The following ABR variants were observed in gnomAD, a reference collection of about 807,000 sequenced individuals.
ABR encodes the protein active breakpoint cluster region-related protein.
Under a neutral mutation model 107.2 loss-of-function variants are expected in ABR, and 35 were observed. That is an observed-to-expected ratio of 0.33 (90% CI 0.25 to 0.43). The LOEUF is 0.43. Ranked by LOEUF, ABR falls within the 20% of genes least tolerant of loss-of-function variation. The probability of loss-of-function intolerance (pLI) is 1.00; values close to 1 mark genes in which losing one functional copy is unlikely to be tolerated. For missense variants in ABR, 815 were observed against 1,115.2 expected (o/e 0.73, Z 3.83); for synonymous variants, 498 against 462.0 (o/e 1.08, Z -1.00).
chr17:1,115,787 G>A (rs866964331), intron 2 of ABR, among the ~76,000 whole-genome samples: 49 of 151,522 alleles, frequency 3.2e-4, no homozygotes, highest in African/African-American at 8.7e-4. Context: ...TTAGCCAGGC[G>A]TACTGGCGGG....
rs761645213 is a variant in ABR, at chr17:1,070,757, C to T, written c.895-667G>A. 5.3e-5 allele frequency among the ~76,000 whole-genome samples: 8 copies of T among 152,186 alleles called. No individual in the cohort carries two copies. The highest frequency in any genetic ancestry group is 1.0e-4 in the Non-Finnish European group (7 of 68,040). On this transcript the variant is annotated intron_variant, in intron 8 of 22. Transcript: ENST00000302538. The surrounding 1 kb of genome is among the most constrained non-coding windows in gnomAD (Gnocchi z 4.2). ...ACGTGGGAGTTCCAGAGTTTCCAACCCCCGCTCAGAGCCGGGGGGTCGTCC... is the reference window on the plus strand; with the variant it reads ...ACGTGGGAGTTCCAGAGTTTCCAACTCCCGCTCAGAGCCGGGGGGTCGTCC...
In ABR at chr17:1,023,094, A is replaced by C. The variant is rs1352369048; in HGVS notation, c.1792-9930T>G. On this transcript the variant is annotated intron_variant, in intron 16 of 22. Coordinates refer to ENST00000302538, the MANE Select transcript of ABR (RefSeq NM_021962.5). ...TCTGCCGGCCCCACGTCCACTGCAGAGCCTCTGCCGGCCCCACGTCCACTA... is the reference window on the plus strand; with the variant it reads ...TCTGCCGGCCCCACGTCCACTGCAGCGCCTCTGCCGGCCCCACGTCCACTA... Among the ~76,000 whole-genome samples the C allele has an allele frequency of 3.2e-3, 363 of 111,766 alleles. 17 individuals carry two copies. The highest frequency in any genetic ancestry group is 0.024 in the East Asian group (85 of 3,474). 73.3% of individuals were successfully genotyped at this position (111,766 alleles called of 152,430 possible).
intron 1 of ABR, among the ~76,000 whole-genome samples, chr17:1,186,282 G>A (rs983405232): frequency 6.6e-6 from 1 of 152,218 alleles, no homozygotes; most frequent in African/African-American, 2.4e-5. Context: ...CCTCTGCTCA[G>A]CCTCCCGGCT....
At chr17:1,109,162 C>G in intron 2 of ABR, 1 of 1,413,816 alleles carries the variant, frequency 7.1e-7, no homozygotes, top group Non-Finnish European at 9.4e-7. Flanking sequence ...GGAGGGGGGG[C>G]AGGTCTACAC....
chr17:1,187,854 A>G (rs1430678762), upstream of ABR, among the ~76,000 whole-genome samples: 1 of 151,948 alleles, frequency 6.6e-6, no homozygotes, highest in Non-Finnish European at 1.5e-5. Context: ...AGATCATGCC[A>G]CCGCACTCCA....
chr17:1,130,284 T>C (rs944298007), intron 1 of ABR, among the ~76,000 whole-genome samples: 7 of 151,974 alleles, frequency 4.6e-5, no homozygotes, highest in Non-Finnish European at 7.4e-5. Flanking sequence ...AACGCAGCCT[T>C]TTCCCAAAGA....
At chr17:1,042,874 T>C (rs1304154336) in intron 16 of ABR, among the ~76,000 whole-genome samples, 1 of 152,202 alleles carries the variant, frequency 6.6e-6, no homozygotes, top group Non-Finnish European at 1.5e-5. Flanking sequence ...AGGGAAATTG[T>C]ATCCAGCCTC....
intron 1 of ABR, among the ~76,000 whole-genome samples, chr17:1,226,432 A>G (rs891980061): frequency 2.0e-5 from 3 of 151,900 alleles, no homozygotes; most frequent in Non-Finnish European, 4.4e-5. Context: ...TGCCATGTAT[A>G]TACGTGTGCA....
At chr17:1,229,397 G>T (rs1351216963) in exon 1 of ABR, among the ~76,000 whole-genome samples, 1 of 146,472 alleles carries the variant, frequency 6.8e-6, no homozygotes, top group Non-Finnish European at 1.5e-5. Context: ...CGGCCTCGGG[G>T]TCGGGGCGCC....
exon 1 of ABR, chr17:1,186,874 G>A (rs991362253): frequency 5.3e-5 from 8 of 152,360 alleles, no homozygotes; most frequent in Admixed American, 5.2e-4. Flanking sequence ...CCAAAACCCA[G>A]AGATTCAGTT....
intron 16 of ABR, chr17:1,022,508 G>A (rs2071777798): frequency 6.5e-6 from 1 of 154,510 alleles, no homozygotes; most frequent in African/African-American, 2.4e-5. Flanking sequence ...AGGCGCCGGA[G>A]GATTCCGTCA....
In ABR at chr17:1,013,009, G is replaced by A. The variant is rs567410742; in HGVS notation, c.1851+96C>T. Reference sequence around the variant, plus strand: ...TGCGGGGAGGTCGAGGCGGCACAGCGGCCCCAGGAGCAGCCACAGGGCCGG... The same window carrying A: ...TGCGGGGAGGTCGAGGCGGCACAGCAGCCCCAGGAGCAGCCACAGGGCCGG... On this transcript the variant is annotated intron_variant, in intron 17 of 22. Coordinates refer to ENST00000302538, the MANE Select transcript of ABR (RefSeq NM_021962.5). 4.3e-4 allele frequency: 633 copies of A among 1,455,806 alleles called. 2 individuals are homozygous for A. The African/African-American group carries it at 5.2e-3, about 12-fold the overall frequency. The allele number at this position is 1,455,806 out of a possible 1,614,324, so 90.2% of individuals were successfully genotyped here.
At chr17:1,166,933 A>G (rs906998469) in intron 1 of ABR, among the ~76,000 whole-genome samples, 4 of 152,142 alleles carry the variant, frequency 2.6e-5, no homozygotes, top group Non-Finnish European at 5.9e-5. Flanking sequence ...ACTGGGAGGC[A>G]GAGGCTGCAG....
At position 1,020,944 on chromosome 17, in the gene ABR, C is replaced by T. The variant is rs551025312; in HGVS notation, c.1792-7780G>A. ...CCTCCGGTCTCCACTCCTGCTCCCT[C>T]GGAGGTGGCAGAGCCCCCATTCCAA... is the stretch of plus-strand genomic sequence containing the variant. On this transcript the variant is annotated intron_variant, in intron 16 of 22. Transcript: ENST00000302538. 9.7e-4 allele frequency among the ~76,000 whole-genome samples: 147 copies of T among 152,238 alleles called. 1 individual carries two copies. Among genetic ancestry groups the T allele is most frequent in the Non-Finnish European group, 1.7e-3 (113 of 68,006 alleles).
rs778246388 is a variant in ABR, at chr17:1,005,380, C to T, written c.*700G>A. On this transcript the variant is annotated 3_prime_UTR_variant, in exon 23 of 23. Transcript: ENST00000302538. ...CTCCAGCTCTGTGCTAAGCTGGGGA[C>T]GAGTGTGAGTGTGTCTGCTTGTCCA... The T allele has an allele frequency of 1.5e-4, 56 of 383,724 alleles. No homozygotes were observed. The highest frequency in any genetic ancestry group is 2.1e-4 in the Non-Finnish European group (45 of 217,130). The allele number at this position is 383,724 out of a possible 1,614,324, so 23.8% of individuals were successfully genotyped here.
intron 16 of ABR, among the ~76,000 whole-genome samples, chr17:1,018,917 A>G (rs547145703): frequency 6.6e-6 from 1 of 152,160 alleles, no homozygotes; most frequent in African/African-American, 2.4e-5. Flanking sequence ...GAGAGTGAGG[A>G]ATTTACCCAG....
At chr17:1,217,316 A>G (rs1284055093) in intron 1 of ABR, among the ~76,000 whole-genome samples, 7 of 152,198 alleles carry the variant, frequency 4.6e-5, no homozygotes, top group Admixed American at 1.3e-4. Context: ...TTCAAATTAC[A>G]GGATTTTCAG....
chr17:1,172,766 A>C (rs2151602992), intron 1 of ABR, among the ~76,000 whole-genome samples: 1 of 151,832 alleles, frequency 6.6e-6, no homozygotes, highest in East Asian at 1.9e-4. Flanking sequence ...AAAAGAAAAG[A>C]AAAGCAAGCT....
chr17:1,090,572 C>A (rs113819118), intron 4 of ABR, among the ~76,000 whole-genome samples: 8 of 152,212 alleles, frequency 5.3e-5, no homozygotes, highest in South Asian at 2.1e-4. Flanking sequence ...CTGAAGCACT[C>A]GGTGAGGTAA....
Sources: gnomAD v4.1 joint callset for allele counts (sites outside exome capture counted in the v4.1 genomes callset) on GRCh38, gnomAD v4.1.1 for gene constraint, Gnocchi (gnomAD v3.1) non-coding constraint, MANE v1.5 for transcripts, NCBI Gene and HGNC (gene_info 2026-07-23, HGNC 2026-07-21) for gene names.